The following DCAF7 variants were observed in gnomAD, a reference collection of about 807,000 sequenced individuals.
DCAF7 encodes DDB1 and CUL4 associated factor 7, also known as DDB1- and CUL4-associated factor 7.
A neutral mutation model predicts 41.2 loss-of-function variants in DCAF7; 4 were observed. The ratio of observed to expected loss-of-function variants is 0.10; its 90% CI spans 0.05 to 0.22. DCAF7 has a LOEUF of 0.22. Among genes scored for constraint, DCAF7 ranks in the 10% least tolerant of loss-of-function variants. DCAF7 has a pLI of 1.00. For synonymous variants in DCAF7, 143 were observed against 164.2 expected (o/e 0.87, Z 0.99); for missense variants, 131 against 443.2 (o/e 0.30, Z 6.32).
chr17:63,550,583 C>T lies in DCAF7; in HGVS notation c.-95C>T. ...GTTAGGCCGTTCCTGCCCGCCCCCT[C>T]CTCTCCTCCCTTCGGACCCATAGAT... On this transcript the variant is annotated 5_prime_UTR_variant, in exon 1 of 7. Coordinates refer to ENST00000614556, the MANE Select transcript of DCAF7 (RefSeq NM_005828.5). This position sits in a 1 kb window ranked among gnomAD's most constrained non-coding sequence, Gnocchi z 4.8. 7 of 1,539,378 alleles carry T rather than the reference C, an allele frequency of 4.5e-6. No homozygotes were observed. Among genetic ancestry groups the T allele is most frequent in the Non-Finnish European group, 5.3e-6 (6 of 1,140,758 alleles).
At chr17:63,588,040 G>A (rs2033695693) in intron 6 of DCAF7, among the ~76,000 whole-genome samples, 1 of 150,184 alleles carries the variant, frequency 6.7e-6, no homozygotes, top group African/African-American at 2.4e-5. Flanking sequence ...TTAGGAACTA[G>A]AGAAAAGTAA....
At chr17:63,580,017 C>A in intron 4 of DCAF7, 74 bp downstream of exon 4, 1 of 1,115,302 alleles carries the variant, frequency 9.0e-7, no homozygotes, top group Non-Finnish European at 1.3e-6. Flanking sequence ...TCAGCTTGTT[C>A]TCTCATTGTT....
chr17:63,589,356 A>G lies in DCAF7; in HGVS notation c.*184A>G. 2.5e-6 allele frequency: 2 copies of G among 802,624 alleles called. No homozygotes were observed. Among genetic ancestry groups the G allele is most frequent in the Non-Finnish European group, 4.2e-6 (2 of 479,858 alleles). The allele number at this position is 802,624 out of a possible 1,614,324, so 49.7% of individuals were successfully genotyped here. Reference sequence around the variant, plus strand: ...CCCCATCGCCCTCTGTGGCAGACTCAGTGCTGTGTGGCGCCTCCTCAGCCC... The same window carrying G: ...CCCCATCGCCCTCTGTGGCAGACTCGGTGCTGTGTGGCGCCTCCTCAGCCC... On this transcript the variant is annotated 3_prime_UTR_variant, in exon 7 of 7. Coordinates refer to ENST00000614556, the MANE Select transcript of DCAF7 (RefSeq NM_005828.5).
At chr17:63,561,095 C>A (rs762769145) in intron 1 of DCAF7, among the ~76,000 whole-genome samples, 25 of 151,826 alleles carry the variant, frequency 1.6e-4, no homozygotes, top group Non-Finnish European at 2.8e-4. Flanking sequence ...CATGGTGAAA[C>A]CTTGTCTCAA....
At chr17:63,553,478 C>T (rs1051401306) in intron 1 of DCAF7, among the ~76,000 whole-genome samples, 2 of 152,188 alleles carry the variant, frequency 1.3e-5, no homozygotes, top group Non-Finnish European at 2.9e-5. Context: ...GCAGCAAATC[C>T]TGCCTTAAAG....
rs1057199292 is a variant in DCAF7 at position 63,589,377 on chromosome 17, A to T, written c.*205A>T. On this transcript the variant is annotated 3_prime_UTR_variant, in exon 7 of 7. Coordinates refer to ENST00000614556, the MANE Select transcript of DCAF7 (RefSeq NM_005828.5). ...ACTCAGTGCTGTGTGGCGCCTCCTC[A>T]GCCCAGGGCTGAGTTTTAAGATTTT... 6.2e-5 allele frequency: 42 copies of T among 677,832 alleles called. No homozygotes were observed. Among genetic ancestry groups the T allele is most frequent in the African/African-American group, 6.1e-4 (34 of 55,862 alleles). 42.0% of individuals were successfully genotyped at this position (677,832 alleles called of 1,614,324 possible).
At chr17:63,579,692 G>A in intron 3 of DCAF7, 133 bp from the exon 4 acceptor site, 2 of 781,426 alleles carry the variant, frequency 2.6e-6, no homozygotes, top group Non-Finnish European at 2.0e-6. Context: ...GGCTCTGCCG[G>A]TAGCCCCCAC....
At chr17:63,566,768 G>T (rs2033446958) in intron 1 of DCAF7, among the ~76,000 whole-genome samples, 1 of 152,104 alleles carries the variant, frequency 6.6e-6, no homozygotes, top group Non-Finnish European at 1.5e-5. Flanking sequence ...TAGGTGTGGT[G>T]TCTGTGTACC....
chr17:63,570,206 C>G (rs1360756973), intron 1 of DCAF7, among the ~76,000 whole-genome samples: 1 of 152,068 alleles, frequency 6.6e-6, no homozygotes. Context: ...CTAATCCCAG[C>G]ACTTTGGGAG....
At position 63,559,377 on chromosome 17, in the gene DCAF7, GTATATATA is replaced by G. The variant is rs10637227; in HGVS notation, c.138+8564_138+8571del. Among the ~76,000 whole-genome samples the G allele has an allele frequency of 1.6e-4, 18 of 114,164 alleles. 1 individual carries two copies. Among genetic ancestry groups the G allele is most frequent in the African/African-American group, 7.2e-4 (17 of 23,636 alleles). 74.9% of individuals were successfully genotyped at this position (114,164 alleles called of 152,430 possible). ...TATATATGTATGTATATATATATGTGTATATATATGTATATATATATGTATATATATGT... is the reference window on the plus strand; with the variant it reads ...TATATATGTATGTATATATATATGTGTGTATATATATATGTATATATATGT... On this transcript the variant is annotated intron_variant, in intron 1 of 6. Coordinates refer to ENST00000614556, the MANE Select transcript of DCAF7 (RefSeq NM_005828.5).
In DCAF7 at chr17:63,585,343, G is replaced by A. The variant is rs1269152653; in HGVS notation, c.856+15G>A. 1.2e-6 allele frequency: 2 copies of A among 1,604,804 alleles called. No homozygotes were observed. The highest frequency in any genetic ancestry group is 1.7e-6 in the Non-Finnish European group (2 of 1,171,702). On this transcript the variant is annotated intron_variant, in intron 6 of 6. Coordinates refer to ENST00000614556, the MANE Select transcript of DCAF7 (RefSeq NM_005828.5). ...CTGCACTGCAGGTAATCATGGTGGG[G>A]AGAAAGAAATCTGGGAAGGATGGAG...
intron 1 of DCAF7, among the ~76,000 whole-genome samples, chr17:63,560,222 C>T (rs945913284): frequency 2.0e-5 from 3 of 152,016 alleles, no homozygotes; most frequent in Middle Eastern, 3.4e-3. Flanking sequence ...TGTGTATACA[C>T]GTATGTGTAG....
At position 63,589,049 on chromosome 17, in the gene DCAF7, C is replaced by T; in HGVS notation, c.906C>T (p.Ala302=). 6.2e-7 allele frequency: 1 copy of T among 1,613,902 alleles called. No homozygotes were observed. Among genetic ancestry groups the T allele is most frequent in the Non-Finnish European group, 8.5e-7 (1 of 1,179,812 alleles). Residue 302 remains alanine, a synonymous_variant, in exon 7 of 7, where the codon GCC becomes GCT. Coordinates refer to ENST00000614556, the MANE Select transcript of DCAF7 (RefSeq NM_005828.5). ...LIWDIQQMPR[A]IEDPILAYTA... ...GGGACATCCAGCAAATGCCCCGAGCCATTGAGGACCCTATCCTGGCCTACA... is the reference window on the plus strand; with the variant it reads ...GGGACATCCAGCAAATGCCCCGAGCTATTGAGGACCCTATCCTGGCCTACA...
At chr17:63,555,647 C>T (rs1360043130) in intron 1 of DCAF7, among the ~76,000 whole-genome samples, 6 of 152,088 alleles carry the variant, frequency 3.9e-5, no homozygotes, top group Non-Finnish European at 7.3e-5. Context: ...TTTAGAATGT[C>T]GCAGTGTTCC....
chr17:63,553,458 T>G (rs1277090868), intron 1 of DCAF7, among the ~76,000 whole-genome samples: 1 of 152,176 alleles, frequency 6.6e-6, no homozygotes, highest in Non-Finnish European at 1.5e-5. Context: ...GTATGTGTAG[T>G]GGTTGGTGAG....
At chr17:63,563,354 G>A (rs2147763718) in intron 1 of DCAF7, among the ~76,000 whole-genome samples, 1 of 152,326 alleles carries the variant, frequency 6.6e-6, no homozygotes, top group South Asian at 2.1e-4. Flanking sequence ...GCTGTTGACA[G>A]TATGGAGAAA....
intron 1 of DCAF7, among the ~76,000 whole-genome samples, chr17:63,576,996 A>G (rs2033569743): frequency 6.6e-6 from 1 of 152,252 alleles, no homozygotes; most frequent in Non-Finnish European, 1.5e-5. Flanking sequence ...TGATACACAC[A>G]AGAACATGGA....
At chr17:63,581,619 C>A (rs2033623472) in intron 4 of DCAF7, among the ~76,000 whole-genome samples, 1 of 152,210 alleles carries the variant, frequency 6.6e-6, no homozygotes. Context: ...GCCAGCAGAT[C>A]TGAGACCCTG....
chr17:63,586,267 G>A (rs1166261521), intron 6 of DCAF7, among the ~76,000 whole-genome samples: 1 of 151,836 alleles, frequency 6.6e-6, no homozygotes, highest in East Asian at 1.9e-4. Context: ...AGCCTGGGCA[G>A]TATAGTGAGA....
Sources: allele counts gnomAD v4.1 joint callset (sites outside exome capture counted in the v4.1 genomes callset), GRCh38; gene constraint gnomAD v4.1.1; non-coding constraint Gnocchi (gnomAD v3.1); transcripts MANE v1.5; gene names NCBI Gene and HGNC (gene_info 2026-07-23, HGNC 2026-07-21).